DLEC1: variants seen among roughly 807,000 people sequenced by gnomAD.
The protein encoded by DLEC1 is deleted in lung and esophageal cancer protein 1.
A neutral mutation model predicts 198.1 loss-of-function variants in DLEC1; 146 were observed. The ratio of observed to expected loss-of-function variants is 0.74; its 90% confidence interval spans 0.64 to 0.85. The LOEUF (loss-of-function observed/expected upper bound fraction) is 0.85, where lower values mean the gene tolerates loss of function less well. Ranked by LOEUF, DLEC1 falls within the 40% of genes least tolerant of loss-of-function variation. The pLI is 0.00. For synonymous variants in DLEC1, 897 were observed against 866.8 expected (o/e 1.03, Z -0.61); for missense variants, 2,233 against 2,220.0 (o/e 1.01, Z -0.12).
chr3:38,093,518 T>C, intron 11 of DLEC1, 87 bp from the exon 12 acceptor site: 1 of 1,507,772 alleles, frequency 6.6e-7, no homozygotes, highest in East Asian at 2.3e-5. Context: ...CAGCTGCATG[T>C]GGATGGCGGC....
chr3:38,093,498 T>C, intron 11 of DLEC1, 107 bp from the exon 12 acceptor site: 5 of 1,340,508 alleles, frequency 3.7e-6, no homozygotes, highest in East Asian at 2.3e-5. Flanking sequence ...GCAGGAATCA[T>C]GGTCAAGGCC....
chr3:38,062,482 G>A, intron 4 of DLEC1, 99 bp from the exon 5 acceptor site: 4 of 1,572,794 alleles, frequency 2.5e-6, no homozygotes, highest in Non-Finnish European at 3.5e-6. Context: ...ATAGAGTAGA[G>A]CTTGTGTTGG....
intron 31 of DLEC1, 73 bp downstream of exon 31, chr3:38,117,375 G>A: frequency 6.2e-7 from 1 of 1,603,500 alleles, no homozygotes; most frequent in Non-Finnish European, 8.5e-7. Flanking sequence ...GGTGGAGCCA[G>A]GCAGGGTTCT....
In DLEC1 at chr3:38,122,380, G is replaced by C. The variant is rs762092723; in HGVS notation, c.5236G>C (p.Asp1746His). 5.0e-6 allele frequency: 8 copies of C among 1,614,082 alleles called. No homozygotes were observed. In the South Asian group the frequency reaches 6.6e-5, roughly 13 times the overall value. Reference sequence around the variant, plus strand: ...GCGGCTCCGGGGCCAAGGCTCCTATGATGAGAGATACATGTTGCCTCACCA... The same window carrying C: ...GCGGCTCCGGGGCCAAGGCTCCTATCATGAGAGATACATGTTGCCTCACCA... ...TLRLRGQGSY[D>H]ERYMLPHQP The change falls in exon 37 of 37, where the codon GAT (aspartate) becomes CAT (histidine). Residue 1746 changes from aspartate (D) to histidine (H), a missense_variant. By Grantham distance (81) the Asp-to-His change is moderately conservative (BLOSUM62 -1). Transcript: ENST00000308059.
At position 38,096,584 on chromosome 3, in the gene DLEC1, C is replaced by G. The variant is rs770207932; in HGVS notation, c.2187C>G (p.Ser729Arg). 2.5e-6 allele frequency: 4 copies of G among 1,611,540 alleles called. No individual in the cohort carries two copies. In the South Asian group the frequency reaches 3.3e-5, roughly 13 times the overall value. ...VPEPVSSEAE[S>R]LGHSSYSVDD... ...TTGTGTTTAGTTCAGAAGCGGAGAG[C>G]CTGGGGCACTCCTCCTACTCTGTGG... Residue 729 changes from serine to arginine, a missense_variant, in exon 15 of 37, where the codon AGC becomes AGG. Ser to Arg is a moderately radical substitution (Grantham distance 110). Transcript: ENST00000308059.
In DLEC1 at chr3:38,122,269, C is replaced by T. The variant is rs1172338487; in HGVS notation, c.5145-20C>T. ...CTGCCCAGGTGCCTCCTAACCTCAG[C>T]CCCCACATGCTCCCCACAGGAGTAG... On this transcript the variant is annotated intron_variant, in intron 36 of 36. Coordinates refer to ENST00000308059, the MANE Select transcript of DLEC1 (RefSeq NM_007335.4). 6.2e-6 allele frequency: 10 copies of T among 1,607,816 alleles called. No individual in the cohort carries two copies. In the South Asian group the frequency reaches 8.8e-5, roughly 14 times the overall value.
At chr3:38,121,043 T>G (rs1449534203) in intron 34 of DLEC1, among the ~76,000 whole-genome samples, 1 of 152,004 alleles carries the variant, frequency 6.6e-6, no homozygotes. Flanking sequence ...CAGGCCGTAG[T>G]GTGGAGGCTA....
intron 7 of DLEC1, 65 bp from the exon 8 acceptor site, chr3:38,085,209 C>T: frequency 6.3e-7 from 1 of 1,575,638 alleles, no homozygotes; most frequent in Non-Finnish European, 8.7e-7. Context: ...TCTGTACCAG[C>T]TGAGCTCAAG....
intron 10 of DLEC1, among the ~76,000 whole-genome samples, chr3:38,092,399 G>A (rs1289636635): frequency 6.6e-6 from 1 of 152,110 alleles, no homozygotes; most frequent in African/African-American, 2.4e-5. Flanking sequence ...GGGGAATTGG[G>A]GAAAAAATAG....
chr3:38,052,937 G>A (rs527923241), intron 2 of DLEC1, among the ~76,000 whole-genome samples: 239 of 152,348 alleles, frequency 1.6e-3, no homozygotes, highest in African/African-American at 5.3e-3. Flanking sequence ...TTGCAGGGGC[G>A]CGCCGCCACG....
rs1700767019 is a variant in DLEC1 at position 38,043,911 on chromosome 3, C to A, written c.412-1632C>A. ...ACTAAATAAATCTTTGCGATCCCAC[C>A]AACTTTAGGAATACAATAAGGAACA... On this transcript the variant is annotated intron_variant, in intron 1 of 36. Coordinates refer to ENST00000308059, the MANE Select transcript of DLEC1 (RefSeq NM_007335.4). 2.0e-5 allele frequency among the ~76,000 whole-genome samples: 3 copies of A among 152,042 alleles called. No individual in the cohort carries two copies. The South Asian group carries it at 6.2e-4, about 32-fold the overall frequency.
intron 19 of DLEC1, among the ~76,000 whole-genome samples, chr3:38,102,354 G>T (rs536803745): frequency 6.6e-6 from 1 of 152,328 alleles, no homozygotes. Flanking sequence ...GTGACAGGGA[G>T]GATCTGTCTC....
At chr3:38,049,205 TC>T (rs1397850196) in intron 2 of DLEC1, among the ~76,000 whole-genome samples, 4 of 152,350 alleles carry the variant, frequency 2.6e-5, no homozygotes, top group Admixed American at 2.0e-4. Context: ...CCATTATCTG[TC>T]CTGGTTTCTC....
At position 38,094,900 on chromosome 3, in the gene DLEC1, C is replaced by T. The variant is rs758693185; in HGVS notation, c.1941C>T (p.Tyr647=). The T allele has an allele frequency of 5.6e-6, 9 of 1,614,020 alleles. 1 individual carries two copies. In the South Asian group the frequency reaches 8.8e-5, roughly 16 times the overall value. The stretch of plus-strand genomic sequence containing the variant: ...ACAGGCACGTGGAGCTGGCCTTCTA[C>T]TGGCAGATCATGAAGCCCAACCTGC... ...RNATHVELAF[Y]WQIMKPNLQP... is the part of the protein sequence containing the mutation. Residue 647 remains tyrosine (Y), a synonymous_variant, in exon 13 of 37, where the codon TAC becomes TAT. Transcript: ENST00000308059.
chr3:38,109,832 C>T (rs2125722420), intron 22 of DLEC1: 1 of 696,926 alleles, frequency 1.4e-6, no homozygotes, highest in East Asian at 2.7e-5. Flanking sequence ...TGTAGGTACC[C>T]TGGGCTTGCC....
intron 27 of DLEC1, 106 bp downstream of exon 27, chr3:38,115,159 A>T (rs1487098080): frequency 7.2e-6 from 9 of 1,250,000 alleles, no homozygotes; most frequent in Non-Finnish European, 1.0e-5. Flanking sequence ...CATGAACAGG[A>T]CCCAGGTGTC....
In DLEC1 at chr3:38,112,331, G is replaced by A. The variant is rs1699930289; in HGVS notation, c.3636G>A (p.Trp1212Ter). ...ACATCACAGGCTGTGCCAACATGTG[G>A]GGCGAGTACTGGGACAACCTCATCT... Reference protein sequence around the residue: ...CIDITGCANMWGEYWDNLICT... With the variant: ...CIDITGCANM The change falls in exon 25 of 37, where the codon TGG becomes TGA. Residue 1212 changes from tryptophan to a stop codon, truncating the protein, a stop_gained. Transcript: ENST00000308059. LOFTEE classifies it high-confidence loss of function. This position sits in a 1 kb window ranked among gnomAD's most constrained non-coding sequence, Gnocchi z 4.8. The A allele has an allele frequency of 1.2e-6, 2 of 1,614,098 alleles. No individual in the cohort carries two copies. The highest frequency in any genetic ancestry group is 1.7e-6 in the Non-Finnish European group (2 of 1,179,990).
intron 33 of DLEC1, among the ~76,000 whole-genome samples, chr3:38,119,266 C>T (rs1188258552): frequency 6.6e-6 from 1 of 152,218 alleles, no homozygotes; most frequent in Admixed American, 6.5e-5. Flanking sequence ...CAAACTCAAT[C>T]TGTCCAAAGT....
chr3:38,107,724 T>C lies in DLEC1; in HGVS notation c.3005T>C (p.Phe1002Ser). ...AATGGCACGCTCCTGCCTACCCAGT[T>C]CCACTGGGGCAAGGTGAGTGAGCCC... ...LINGTLLPTQ[F>S]HWGKLLGHQA... Residue 1002 changes from phenylalanine (F) to serine (S), a missense_variant, in exon 20 of 37, where the codon TTC becomes TCC. Phe to Ser is a radical substitution (Grantham distance 155). Transcript: ENST00000308059. 4 of 1,613,756 alleles carry C rather than the reference T, an allele frequency of 2.5e-6. No homozygotes were observed. The highest frequency in any genetic ancestry group is 3.4e-6 in the Non-Finnish European group (4 of 1,179,864).
Sources: allele counts gnomAD v4.1 joint callset (sites outside exome capture counted in the v4.1 genomes callset), GRCh38; gene constraint gnomAD v4.1.1; non-coding constraint Gnocchi (gnomAD v3.1); transcripts MANE v1.5; gene names NCBI Gene and HGNC (gene_info 2026-07-23, HGNC 2026-07-21).